SSBP2: variants seen among roughly 807,000 people sequenced by gnomAD.
SSBP2 encodes single stranded DNA binding protein 2.
SSBP2 carries 17 observed loss-of-function variants against 61.8 expected under a neutral mutation model. The ratio of observed to expected loss-of-function variants is 0.28; its 90% CI spans 0.19 to 0.41. The LOEUF is 0.41. Among genes scored for constraint, SSBP2 ranks in the 10% least tolerant of loss-of-function variants. The probability of loss-of-function intolerance (pLI) is 1.00; values close to 1 mark genes in which losing one functional copy is unlikely to be tolerated. For missense variants in SSBP2, 310 were observed against 458.7 expected (o/e 0.68, Z 2.96); for synonymous variants, 139 against 141.3 (o/e 0.98, Z 0.12).
At chr5:81,608,248 C>T (rs940277266) in intron 4 of SSBP2, among the ~76,000 whole-genome samples, 11 of 152,120 alleles carry the variant, frequency 7.2e-5, no homozygotes, top group Non-Finnish European at 1.5e-4. Context: ...CTCTCTTCCT[C>T]AATACTTACA....
chr5:81,531,699 T>TA (rs1770421291), intron 4 of SSBP2, among the ~76,000 whole-genome samples: 1 of 151,960 alleles, frequency 6.6e-6, no homozygotes, highest in South Asian at 2.1e-4. Flanking sequence ...AGAAAGACAG[T>TA]AAAGAAATCA....
At chr5:81,529,921 C>A (rs1770266216) in intron 4 of SSBP2, among the ~76,000 whole-genome samples, 1 of 151,912 alleles carries the variant, frequency 6.6e-6, no homozygotes, top group Non-Finnish European at 1.5e-5. Flanking sequence ...TGATATTTCT[C>A]TGGCAGTAAA....
chr5:81,596,195 C>A (rs1391202185), intron 4 of SSBP2, among the ~76,000 whole-genome samples: 3 of 152,142 alleles, frequency 2.0e-5, no homozygotes, highest in Non-Finnish European at 1.5e-5. Context: ...ACACCAGTAA[C>A]AGACAAACAG....
chr5:81,748,517 C>G (rs530838527), intron 1 of SSBP2, among the ~76,000 whole-genome samples: 15 of 152,084 alleles, frequency 9.9e-5, no homozygotes, highest in Admixed American at 9.2e-4. Flanking sequence ...TAAGTTTATT[C>G]TATAAGACAG....
intron 4 of SSBP2, among the ~76,000 whole-genome samples, chr5:81,554,026 G>C (rs2153381925): frequency 6.6e-6 from 1 of 152,136 alleles, no homozygotes; most frequent in African/African-American, 2.4e-5. Context: ...TGCCATTAGA[G>C]ACTTCCTGAA....
intron 1 of SSBP2, among the ~76,000 whole-genome samples, chr5:81,666,636 A>G (rs1175465387): frequency 6.6e-6 from 1 of 152,234 alleles, no homozygotes; most frequent in Non-Finnish European, 1.5e-5. Flanking sequence ...ATAAATAATT[A>G]TCTATAGAGT....
chr5:81,676,307 A>G (rs1052187160), intron 1 of SSBP2, among the ~76,000 whole-genome samples: 15 of 152,132 alleles, frequency 9.9e-5, no homozygotes, highest in African/African-American at 3.6e-4. Context: ...CTTTTCTCCT[A>G]TTCCTGCTCC....
At chr5:81,500,858 T>C (rs1055809994) in intron 5 of SSBP2, among the ~76,000 whole-genome samples, 1 of 152,028 alleles carries the variant, frequency 6.6e-6, no homozygotes, top group African/African-American at 2.4e-5. Context: ...AAAGTATAAA[T>C]ATAAGCAAAA....
chr5:81,711,434 C>T (rs908002354), intron 1 of SSBP2, among the ~76,000 whole-genome samples: 2 of 151,834 alleles, frequency 1.3e-5, no homozygotes, highest in Non-Finnish European at 2.9e-5. Context: ...TTACCATATG[C>T]TTAAATAAAA....
chr5:81,532,139 T>C (rs1382693315), intron 4 of SSBP2, among the ~76,000 whole-genome samples: 1 of 152,028 alleles, frequency 6.6e-6, no homozygotes, highest in Non-Finnish European at 1.5e-5. Flanking sequence ...ATGTTGGAAA[T>C]GTACACCTAA....
chr5:81,704,542 A>AAG (rs1754223089), intron 1 of SSBP2, among the ~76,000 whole-genome samples: 1 of 152,194 alleles, frequency 6.6e-6, no homozygotes. Flanking sequence ...CTCGGCCTGT[A>AAG]ATCCCAGCAC....
chr5:81,568,211 C>T (rs760157463), intron 4 of SSBP2, among the ~76,000 whole-genome samples: 7 of 152,128 alleles, frequency 4.6e-5, no homozygotes, highest in South Asian at 4.1e-4. Flanking sequence ...ATAATTCCCA[C>T]GTATTGTGGA....
chr5:81,742,944 T>G (rs995389621), intron 1 of SSBP2, among the ~76,000 whole-genome samples: 7 of 152,116 alleles, frequency 4.6e-5, no homozygotes, highest in Admixed American at 2.6e-4. Flanking sequence ...AAGTCTGCTA[T>G]GAGAGTATCC....
At chr5:81,487,709 ACAAT>A (rs1169896476) in intron 6 of SSBP2, among the ~76,000 whole-genome samples, 1 of 151,818 alleles carries the variant, frequency 6.6e-6, no homozygotes, top group Non-Finnish European at 1.5e-5. Flanking sequence ...AATGATTATC[ACAAT>A]CAAATTATAA....
At chr5:81,656,527 G>C (rs1407345684) in intron 1 of SSBP2, among the ~76,000 whole-genome samples, 1 of 152,114 alleles carries the variant, frequency 6.6e-6, no homozygotes, top group African/African-American at 2.4e-5. Context: ...ACATGAGTAA[G>C]TTCTTTAGCG....
At chr5:81,748,627 G>T (rs999873285) in intron 1 of SSBP2, among the ~76,000 whole-genome samples, 1 of 152,066 alleles carries the variant, frequency 6.6e-6, no homozygotes, top group Admixed American at 6.6e-5. Context: ...CTCCAAAAGC[G>T]GCCTCTTCAC....
chr5:81,534,916 G>C (rs1770698230), intron 4 of SSBP2, among the ~76,000 whole-genome samples: 1 of 151,916 alleles, frequency 6.6e-6, no homozygotes, highest in African/African-American at 2.4e-5. Context: ...TAACTAGATT[G>C]CAGAAAATAG....
chr5:81,553,207 T>C (rs1210107871), intron 4 of SSBP2, among the ~76,000 whole-genome samples: 2 of 152,216 alleles, frequency 1.3e-5, no homozygotes, highest in Admixed American at 1.3e-4. Context: ...CAACACGAAA[T>C]GTACATGCAA....
intron 4 of SSBP2, among the ~76,000 whole-genome samples, chr5:81,594,341 G>C (rs1743475307): frequency 6.6e-6 from 1 of 152,092 alleles, no homozygotes; most frequent in African/African-American, 2.4e-5. Context: ...GATTCATAAA[G>C]CAAGTCCTTA....
Sources: gnomAD v4.1 joint callset for allele counts (sites outside exome capture counted in the v4.1 genomes callset) on GRCh38, gnomAD v4.1.1 for gene constraint, MANE v1.5 for transcripts, NCBI Gene and HGNC (gene_info 2026-07-23, HGNC 2026-07-21) for gene names.